Variants in LIPC observed in about 807,000 individuals in gnomAD.
LIPC encodes the protein lipase C, hepatic type, also known as hepatic triacylglycerol lipase.
Under a neutral mutation model 50.7 loss-of-function variants are expected in LIPC, and 44 were observed. That is an observed-to-expected ratio of 0.87 (90% CI 0.68 to 1.11). LIPC has a LOEUF of 1.11. Among genes scored for constraint, LIPC ranks in the 50% most tolerant of loss-of-function variants. The pLI, the probability that LIPC is intolerant of heterozygous loss-of-function variation, is 0.00. For missense variants in LIPC, 697 were observed against 648.2 expected (o/e 1.08, Z -0.82); for synonymous variants, 271 against 256.4 (o/e 1.06, Z -0.54).
Position 58,548,503 on chromosome 15 carries a change from G to A in LIPC, c.982G>A (p.Val328Ile), listed in dbSNP as rs769999239. The stretch of plus-strand genomic sequence containing the variant: ...CCGCTGCAACACGCTGGGCTACCAC[G>A]TCCGCCAGGAGCCGCGGAGCAAGAG... ...KGRCNTLGYH[V>I]RQEPRSKSKR... is the part of the protein sequence containing the mutation. The change falls in exon 6 of 9, where the codon GTC becomes ATC. Residue 328 changes from valine (V) to isoleucine (I), a missense_variant. Coordinates refer to ENST00000299022, the MANE Select transcript of LIPC (RefSeq NM_000236.3). 1.4e-5 allele frequency: 23 copies of A among 1,606,950 alleles called. No homozygotes were observed. Among genetic ancestry groups the A allele is most frequent in the East Asian group, 2.2e-5 (1 of 44,774 alleles).
intron 6 of LIPC, among the ~76,000 whole-genome samples, chr15:58,560,471 C>A (rs574855800): frequency 1.3e-5 from 2 of 152,168 alleles, no homozygotes; most frequent in Non-Finnish European, 2.9e-5. Context: ...TGTGTTCTCT[C>A]TTGCCTTGTC....
intron 1 of LIPC, chr15:58,498,780 C>G (rs1595899330): frequency 6.6e-6 from 1 of 152,258 alleles, no homozygotes; most frequent in African/African-American, 2.4e-5. Flanking sequence ...CAAATCCTAG[C>G]TCTGCAGTAA....
At chr15:58,467,819 A>G (rs1473059789) in intron 1 of LIPC, among the ~76,000 whole-genome samples, 2 of 152,182 alleles carry the variant, frequency 1.3e-5, no homozygotes, top group Non-Finnish European at 2.9e-5. Flanking sequence ...CCGCTTAGAA[A>G]AACCACAGCT....
chr15:58,498,204 A>G (rs1038696261), intron 1 of LIPC, among the ~76,000 whole-genome samples: 2 of 152,184 alleles, frequency 1.3e-5, no homozygotes, highest in African/African-American at 2.4e-5. Flanking sequence ...AAAAAAGCCA[A>G]TAGTCTCCCC....
At chr15:58,546,812 C>T (rs1008354339) in intron 5 of LIPC, among the ~76,000 whole-genome samples, 1 of 152,138 alleles carries the variant, frequency 6.6e-6, no homozygotes, top group African/African-American at 2.4e-5. Flanking sequence ...ACACCATCCT[C>T]GCCTCTCCAA....
At chr15:58,453,858 C>A (rs1894009096) in intron 1 of LIPC, among the ~76,000 whole-genome samples, 1 of 149,386 alleles carries the variant, frequency 6.7e-6, no homozygotes, top group South Asian at 2.1e-4. Flanking sequence ...CACAGCAAGA[C>A]CCTGTCTCAA....
chr15:58,555,691 G>T (rs1489149853), intron 6 of LIPC, among the ~76,000 whole-genome samples: 1 of 152,180 alleles, frequency 6.6e-6, no homozygotes, highest in African/African-American at 2.4e-5. Flanking sequence ...CTTACAACAG[G>T]GTGGGCAGTG....
intron 1 of LIPC, among the ~76,000 whole-genome samples, chr15:58,525,944 G>A (rs1014998557): frequency 2.0e-5 from 3 of 152,184 alleles, no homozygotes; most frequent in Non-Finnish European, 2.9e-5. Context: ...GGCATTGTGG[G>A]AGGTACTTTA....
intron 1 of LIPC, among the ~76,000 whole-genome samples, chr15:58,473,385 A>G (rs924569198): frequency 1.1e-4 from 17 of 152,184 alleles, no homozygotes; most frequent in Non-Finnish European, 2.5e-4. Context: ...GCAAAACTGT[A>G]AGACTCAATG....
chr15:58,545,397 T>C (rs1339925765), intron 4 of LIPC, among the ~76,000 whole-genome samples: 4 of 152,146 alleles, frequency 2.6e-5, no homozygotes, highest in Non-Finnish European at 5.9e-5. Context: ...GGCCACCACA[T>C]CCACATAACT....
chr15:58,462,888 CAG>C (rs1291234437), intron 1 of LIPC, among the ~76,000 whole-genome samples: 1 of 152,254 alleles, frequency 6.6e-6, no homozygotes. Context: ...GCCCTGCCTG[CAG>C]AGTTATTGGC....
intron 1 of LIPC, chr15:58,432,324 T>C (rs1893151432): frequency 1.6e-6 from 1 of 616,832 alleles, no homozygotes; most frequent in Non-Finnish European, 2.9e-6. Flanking sequence ...ATCCTCGGAT[T>C]AAAAGTCTTC....
intron 3 of LIPC, 118 bp downstream of exon 3, chr15:58,542,085 C>A: frequency 1.7e-6 from 2 of 1,192,100 alleles, no homozygotes; most frequent in Non-Finnish European, 2.4e-6. Flanking sequence ...TAATGCTCAG[C>A]TCACAGGAAT....
intron 1 of LIPC, among the ~76,000 whole-genome samples, chr15:58,499,832 T>TG (rs1207613451): frequency 6.6e-6 from 1 of 152,148 alleles, no homozygotes; most frequent in Non-Finnish European, 1.5e-5. Flanking sequence ...AACTGTGTCC[T>TG]GGGGAGGAGG....
intron 1 of LIPC, chr15:58,473,581 A>C (rs1448384893): frequency 6.6e-6 from 1 of 152,272 alleles, no homozygotes; most frequent in East Asian, 1.9e-4. Context: ...TGCTCCAGTT[A>C]ATATCTTTCT....
chr15:58,465,154 G>A (rs1330371360), intron 1 of LIPC, among the ~76,000 whole-genome samples: 1 of 152,144 alleles, frequency 6.6e-6, no homozygotes, highest in Non-Finnish European at 1.5e-5. Flanking sequence ...AGGAACCAGG[G>A]GAAAAAGAAG....
intron 1 of LIPC, among the ~76,000 whole-genome samples, chr15:58,509,689 A>G: frequency 6.6e-6 from 1 of 152,156 alleles, no homozygotes; most frequent in East Asian, 1.9e-4. Context: ...GTTTTGCCAC[A>G]TCATTTACAT....
At chr15:58,548,608 G>T (rs923004164) in intron 6 of LIPC, 36 bp downstream of exon 6, 11 of 1,574,172 alleles carry the variant, frequency 7.0e-6, no homozygotes, top group Non-Finnish European at 9.5e-6. Context: ...AGAAGGGCAG[G>T]ATGCAGTCCC....
At chr15:58,455,831 G>C (rs1445496677) in intron 1 of LIPC, among the ~76,000 whole-genome samples, 4 of 152,020 alleles carry the variant, frequency 2.6e-5, no homozygotes, top group Admixed American at 2.0e-4. Flanking sequence ...ATGTATGCGT[G>C]TATATATATA....
Sources: allele counts gnomAD v4.1 joint callset (sites outside exome capture counted in the v4.1 genomes callset), GRCh38; gene constraint gnomAD v4.1.1; transcripts MANE v1.5; gene names NCBI Gene and HGNC (gene_info 2026-07-23, HGNC 2026-07-21).